The following RBFOX1 variants were observed in gnomAD, a reference collection of about 807,000 sequenced individuals.
RBFOX1 encodes RNA binding protein fox-1 homolog 1.
Under a neutral mutation model 57.7 loss-of-function variants are expected in RBFOX1, and 8 were observed. That is an observed-to-expected ratio of 0.14 (90% CI 0.08 to 0.25). The LOEUF is 0.25. Ranked by LOEUF, RBFOX1 falls within the 10% of genes least tolerant of loss-of-function variation. RBFOX1 has a pLI of 1.00. For synonymous variants in RBFOX1, 326 were observed against 222.4 expected (o/e 1.47, Z -4.15); for missense variants, 611 against 548.5 (o/e 1.11, Z -1.14).
At chr16:6,718,011 G>A (rs35517664) in intron 3 of RBFOX1, among the ~76,000 whole-genome samples, 93,774 of 151,902 alleles carry the variant, frequency 0.62, 29,305 homozygotes, top group Middle Eastern at 0.77. Context: ...CACCACCACC[G>A]TCATCACCAC....
chr16:7,445,758 C>T (rs117261428), intron 4 of RBFOX1, among the ~76,000 whole-genome samples: 35 of 152,254 alleles, frequency 2.3e-4, no homozygotes, highest in Non-Finnish European at 4.4e-4. Context: ...ACGCGGGTGA[C>T]GTTTGGAGAT....
intron 4 of RBFOX1, among the ~76,000 whole-genome samples, chr16:7,053,855 C>T (rs1453835720): frequency 2.6e-5 from 4 of 152,158 alleles, no homozygotes; most frequent in South Asian, 4.1e-4. Context: ...TTTATGGTCA[C>T]TGTTCTTGCT....
At chr16:7,125,012 A>T (rs1202197368) in intron 4 of RBFOX1, among the ~76,000 whole-genome samples, 2 of 152,174 alleles carry the variant, frequency 1.3e-5, no homozygotes, top group Non-Finnish European at 2.9e-5. Flanking sequence ...ACATTTACAT[A>T]TGGGAAGGAG....
chr16:5,381,075 A>G (rs1156788322), intron 1 of RBFOX1, among the ~76,000 whole-genome samples: 2 of 152,212 alleles, frequency 1.3e-5, no homozygotes, highest in African/African-American at 4.8e-5. Context: ...TTTACACCAT[A>G]GTGTGAAATA....
At chr16:7,346,592 T>C (rs1348812204) in intron 4 of RBFOX1, among the ~76,000 whole-genome samples, 2 of 151,558 alleles carry the variant, frequency 1.3e-5, no homozygotes, top group Non-Finnish European at 2.9e-5. Context: ...TATAGAAGTC[T>C]CGTTGCTGAC....
intron 3 of RBFOX1, among the ~76,000 whole-genome samples, chr16:5,690,115 G>T (rs1048896832): frequency 2.0e-5 from 3 of 152,202 alleles, no homozygotes; most frequent in African/African-American, 7.2e-5. Flanking sequence ...GGTCATCCTG[G>T]TTAAGACGCC....
At chr16:6,343,285 T>C (rs2084850349) in intron 2 of RBFOX1, among the ~76,000 whole-genome samples, 2 of 152,210 alleles carry the variant, frequency 1.3e-5, no homozygotes, top group Admixed American at 1.3e-4. Context: ...AATCTGTGTC[T>C]TCCCCTACCC....
Position 6,894,015 on chromosome 16 carries a change from C to T in RBFOX1, c.-15-158042C>T, listed in dbSNP as rs140558055. ...ACAGTGCTATGATGTCTTCTAATAT[C>T]CCAAAGACAGCTCTTTATATGGGTT... On this transcript the variant is annotated intron_variant, in intron 3 of 15. Transcript: ENST00000550418. 5.5e-3 allele frequency among the ~76,000 whole-genome samples: 832 copies of T among 152,226 alleles called. 17 individuals are homozygous for T. Among genetic ancestry groups the T allele is most frequent in the African/African-American group, 0.019 (798 of 41,546 alleles).
chr16:6,035,798 G>C (rs1183143140), intron 1 of RBFOX1, among the ~76,000 whole-genome samples: 1 of 152,142 alleles, frequency 6.6e-6, no homozygotes, highest in Non-Finnish European at 1.5e-5. Context: ...CTGTTACATG[G>C]TGCCTTTTTG....
At chr16:6,002,113 A>G (rs1046851922) in intron 4 of RBFOX1, among the ~76,000 whole-genome samples, 1 of 151,970 alleles carries the variant, frequency 6.6e-6, no homozygotes, top group Non-Finnish European at 1.5e-5. Context: ...CTGGGACTAC[A>G]AGCATGCACC....
chr16:6,884,700 C>G (rs1189234388), intron 3 of RBFOX1, among the ~76,000 whole-genome samples: 1 of 152,090 alleles, frequency 6.6e-6, no homozygotes, highest in Non-Finnish European at 1.5e-5. Flanking sequence ...GGGTTCCAGA[C>G]CAGCTTGGGC....
intron 4 of RBFOX1, among the ~76,000 whole-genome samples, chr16:7,053,434 T>C (rs1418359838): frequency 1.3e-5 from 2 of 152,208 alleles, no homozygotes; most frequent in Non-Finnish European, 2.9e-5. Flanking sequence ...TCCTGTTAAA[T>C]AATGTATTAC....
chr16:7,104,949 G>T (rs78064206), intron 4 of RBFOX1, among the ~76,000 whole-genome samples: 1,780 of 149,388 alleles, frequency 0.012, 34 homozygotes, highest in African/African-American at 0.043. Flanking sequence ...TTGTGTGTGT[G>T]TGCACGTGCT....
chr16:5,690,054 A>C (rs1207471822), intron 3 of RBFOX1, among the ~76,000 whole-genome samples: 1 of 152,184 alleles, frequency 6.6e-6, no homozygotes, highest in Non-Finnish European at 1.5e-5. Context: ...AAGCTGAAGG[A>C]GAGCTGGACA....
At chr16:6,058,202 C>T (rs1268411494) in intron 1 of RBFOX1, among the ~76,000 whole-genome samples, 3 of 152,138 alleles carry the variant, frequency 2.0e-5, no homozygotes, top group African/African-American at 7.2e-5. Context: ...TCATCAAAGT[C>T]ATTTCCTATC....
At chr16:6,201,463 T>C (rs1239322729) in intron 1 of RBFOX1, among the ~76,000 whole-genome samples, 1 of 152,128 alleles carries the variant, frequency 6.6e-6, no homozygotes, top group South Asian at 2.1e-4. Flanking sequence ...CTGGCCAGTA[T>C]TCATTATTGG....
chr16:6,818,357 A>T (rs2090567882), intron 3 of RBFOX1, among the ~76,000 whole-genome samples: 1 of 152,136 alleles, frequency 6.6e-6, no homozygotes, highest in Non-Finnish European at 1.5e-5. Context: ...CACCTCACCC[A>T]TCCCACAAGT....
intron 2 of RBFOX1, among the ~76,000 whole-genome samples, chr16:6,441,918 G>A (rs1286633510): frequency 6.6e-6 from 1 of 152,134 alleles, no homozygotes; most frequent in African/African-American, 2.4e-5. Flanking sequence ...CGTGGCGGGA[G>A]GGTCTTCCTA....
At chr16:7,515,361 G>T (rs534785973) in intron 4 of RBFOX1, among the ~76,000 whole-genome samples, 81 of 151,542 alleles carry the variant, frequency 5.3e-4, no homozygotes, top group African/African-American at 1.8e-3. Context: ...AGTTTTGCAA[G>T]ACAGATACAT....
Sources: gnomAD v4.1 joint callset for allele counts (sites outside exome capture counted in the v4.1 genomes callset) on GRCh38, gnomAD v4.1.1 for gene constraint, MANE v1.5 for transcripts, NCBI Gene and HGNC (gene_info 2026-07-23, HGNC 2026-07-21) for gene names.